PARD3B: variants seen among roughly 807,000 people sequenced by gnomAD.
PARD3B encodes the protein par-3 family cell polarity regulator beta.
Under a neutral mutation model 130.2 loss-of-function variants are expected in PARD3B, and 103 were observed. That is an observed-to-expected ratio of 0.79 (90% confidence interval 0.67 to 0.93). The LOEUF (loss-of-function observed/expected upper bound fraction) is 0.93, where lower values mean the gene tolerates loss of function less well. Among genes scored for constraint, PARD3B ranks in the 40% least tolerant of loss-of-function variants. The pLI, the probability that PARD3B is intolerant of heterozygous loss-of-function variation, is 0.00. For synonymous variants in PARD3B, 583 were observed against 553.2 expected (o/e 1.05, Z -0.76); for missense variants, 1,609 against 1,499.2 (o/e 1.07, Z -1.21).
chr2:204,799,228 C>T lies in PARD3B; in HGVS notation c.222+112946C>T, dbSNP rs1238183166. On this transcript the variant is annotated intron_variant, in intron 2 of 22. Coordinates refer to ENST00000406610, the MANE Select transcript of PARD3B (RefSeq NM_001302769.2). The surrounding 1 kb of genome is among the most constrained non-coding windows in gnomAD (Gnocchi z 4.1). ...GCCTCGAGGGAACATCTGCAGTAGCCAGGCAGTACTTGCCCTGGGCCTGGG... is the reference window on the plus strand; with the variant it reads ...GCCTCGAGGGAACATCTGCAGTAGCTAGGCAGTACTTGCCCTGGGCCTGGG... Among the ~76,000 whole-genome samples, 1 of 152,136 alleles carries T rather than the reference C, an allele frequency of 6.6e-6. No individual in the cohort carries two copies. The highest frequency in any genetic ancestry group is 2.4e-5 in the African/African-American group (1 of 41,436).
At chr2:204,950,072 A>G (rs1689642029) in intron 2 of PARD3B, among the ~76,000 whole-genome samples, 1 of 152,206 alleles carries the variant, frequency 6.6e-6, no homozygotes, top group Admixed American at 6.5e-5. Flanking sequence ...AGCCCTATGC[A>G]AAGTCATATC....
intron 10 of PARD3B, among the ~76,000 whole-genome samples, chr2:205,143,173 A>G (rs2033108033): frequency 6.6e-6 from 1 of 152,174 alleles, no homozygotes; most frequent in Non-Finnish European, 1.5e-5. Flanking sequence ...ATATACACAC[A>G]TGAAATGTGT....
intron 2 of PARD3B, among the ~76,000 whole-genome samples, chr2:204,898,175 C>CT (rs764715308): frequency 2.7e-5 from 4 of 149,816 alleles, no homozygotes; most frequent in Admixed American, 6.6e-5. Flanking sequence ...TGGACCATTT[C>CT]TTTTTTTTTA....
intron 21 of PARD3B, among the ~76,000 whole-genome samples, chr2:205,513,364 A>G (rs138402120): frequency 1.2e-3 from 179 of 152,192 alleles, no homozygotes; most frequent in African/African-American, 4.1e-3. Context: ...AAGGTTAAAA[A>G]ATCTAATCCC....
At chr2:205,068,872 CAA>C (rs1164643286) in intron 4 of PARD3B, among the ~76,000 whole-genome samples, 2 of 151,956 alleles carry the variant, frequency 1.3e-5, no homozygotes, top group South Asian at 2.1e-4. Flanking sequence ...GTATACAGAT[CAA>C]GAGATTCATA....
At chr2:204,596,423 A>G (rs775893733) in intron 1 of PARD3B, among the ~76,000 whole-genome samples, 11 of 152,182 alleles carry the variant, frequency 7.2e-5, no homozygotes, top group African/African-American at 1.4e-4. Context: ...TAGTGGAGCC[A>G]TACTGAAAAA....
At chr2:204,728,093 T>C (rs1373489757) in intron 2 of PARD3B, among the ~76,000 whole-genome samples, 1 of 152,198 alleles carries the variant, frequency 6.6e-6, no homozygotes, top group East Asian at 1.9e-4. Context: ...TAAATTGTCC[T>C]ACCTCACTTT....
chr2:205,291,476 A>G lies in PARD3B; in HGVS notation c.2186-9054A>G, dbSNP rs1384446940. 6.6e-6 allele frequency among the ~76,000 whole-genome samples: 1 copy of G among 152,262 alleles called. No individual in the cohort carries two copies. The highest frequency in any genetic ancestry group is 2.4e-5 in the African/African-American group (1 of 41,482). ...AAGACCATCCTCGATATAAAGTAGCAAAGAACTTTGCTGAAGTGTGTTGTT... is the reference window on the plus strand; with the variant it reads ...AAGACCATCCTCGATATAAAGTAGCGAAGAACTTTGCTGAAGTGTGTTGTT... On this transcript the variant is annotated intron_variant, in intron 16 of 22. Transcript: ENST00000406610. The surrounding 1 kb of genome is among the most constrained non-coding windows in gnomAD (Gnocchi z 4.6).
At chr2:205,424,380 A>C (rs1405326681) in intron 19 of PARD3B, among the ~76,000 whole-genome samples, 2 of 152,110 alleles carry the variant, frequency 1.3e-5, no homozygotes. Context: ...GCTTTTCATG[A>C]TCCCAGAGTT....
At chr2:204,566,708 A>T (rs1273939910) in intron 1 of PARD3B, among the ~76,000 whole-genome samples, 2 of 152,166 alleles carry the variant, frequency 1.3e-5, no homozygotes, top group African/African-American at 4.8e-5. Flanking sequence ...CAACTTTGTT[A>T]ATGTTTTTGT....
rs849194 is a variant in PARD3B, at chr2:205,321,596, G to A, written c.2630+19895G>A. Among the ~76,000 whole-genome samples the A allele has an allele frequency of 0.91, 138,424 of 152,198 alleles. 63,136 individuals carry two copies. The highest frequency in any genetic ancestry group is 0.94 in the Admixed American group (14,422 of 15,288). Reference sequence around the variant, plus strand: ...AAACTTGATGTCTTTTTATCCTTAAGTGTACTTTGAAGCTAGGACTATCAC... The same window carrying A: ...AAACTTGATGTCTTTTTATCCTTAAATGTACTTTGAAGCTAGGACTATCAC... On this transcript the variant is annotated intron_variant, in intron 18 of 22. Coordinates refer to ENST00000406610, the MANE Select transcript of PARD3B (RefSeq NM_001302769.2). The surrounding 1 kb of genome is among the most constrained non-coding windows in gnomAD (Gnocchi z 4.2).
At chr2:205,161,983 C>T (rs1260299551) in intron 11 of PARD3B, among the ~76,000 whole-genome samples, 2 of 152,148 alleles carry the variant, frequency 1.3e-5, no homozygotes, top group Non-Finnish European at 2.9e-5. Flanking sequence ...AGATGTAAAA[C>T]CCCTGAATAC....
At position 204,546,102 on chromosome 2, in the gene PARD3B, C is replaced by T; in HGVS notation, c.103C>T (p.Leu35=). The T allele has an allele frequency of 6.4e-7, 1 of 1,556,326 alleles. No individual in the cohort carries two copies. Among genetic ancestry groups the T allele is most frequent in the Non-Finnish European group, 8.7e-7 (1 of 1,150,082 alleles). ...CACCCAGCAGGCGCTGCAGCGGTACCTGAAGACCCGGGAGAAGGTGAGCGC... is the reference window on the plus strand; with the variant it reads ...CACCCAGCAGGCGCTGCAGCGGTACTTGAAGACCCGGGAGAAGGTGAGCGC... ...ELTQQALQRY[L]KTREKGPGYW... The change falls in exon 1 of 23, where the codon CTG becomes TTG. Residue 35 remains leucine, a synonymous_variant. Transcript: ENST00000406610.
intron 19 of PARD3B, among the ~76,000 whole-genome samples, chr2:205,432,598 T>C (rs2047376595): frequency 6.6e-6 from 1 of 152,190 alleles, no homozygotes; most frequent in Non-Finnish European, 1.5e-5. Context: ...ATTTTCTTCT[T>C]CTTCAAGCCT....
intron 11 of PARD3B, among the ~76,000 whole-genome samples, chr2:205,162,415 C>T (rs184115637): frequency 2.0e-3 from 298 of 152,318 alleles, no homozygotes; most frequent in African/African-American, 6.9e-3. Flanking sequence ...TACTATATGG[C>T]CATTGACCAT....
chr2:205,039,808 G>A (rs1427380969), intron 3 of PARD3B, among the ~76,000 whole-genome samples: 2 of 152,206 alleles, frequency 1.3e-5, no homozygotes, highest in Non-Finnish European at 2.9e-5. Flanking sequence ...CTGCTGCATT[G>A]AAGAGGTGTT....
intron 1 of PARD3B, among the ~76,000 whole-genome samples, chr2:204,685,862 G>T (rs955658289): frequency 6.6e-6 from 1 of 152,082 alleles, no homozygotes; most frequent in African/African-American, 2.4e-5. Context: ...TTCTTTTCCA[G>T]AGTATTCTTG....
chr2:205,251,147 CT>C (rs1338937531), intron 16 of PARD3B, among the ~76,000 whole-genome samples: 1 of 152,132 alleles, frequency 6.6e-6, no homozygotes, highest in Admixed American at 6.5e-5. Context: ...CCTCAGCCAG[CT>C]GAACTAGGAA....
intron 2 of PARD3B, among the ~76,000 whole-genome samples, chr2:204,728,331 A>C (rs2125333089): frequency 6.6e-6 from 1 of 152,280 alleles, no homozygotes. Flanking sequence ...GAAATTCAGA[A>C]GATCTTAAGG....
Sources: allele counts gnomAD v4.1 joint callset (sites outside exome capture counted in the v4.1 genomes callset), GRCh38; gene constraint gnomAD v4.1.1; non-coding constraint Gnocchi (gnomAD v3.1); transcripts MANE v1.5; gene names NCBI Gene and HGNC (gene_info 2026-07-23, HGNC 2026-07-21).